GRID1: variants seen among roughly 807,000 people sequenced by gnomAD.
GRID1 encodes the protein glutamate receptor ionotropic, delta-1.
Under a neutral mutation model 98.0 loss-of-function variants are expected in GRID1, and 28 were observed. The observed-to-expected ratio is 0.29, with a 90% confidence interval of 0.21 to 0.39. The LOEUF is 0.39. Ranked by LOEUF, GRID1 falls within the 10% of genes least tolerant of loss-of-function variation. The pLI, the probability that GRID1 is intolerant of heterozygous loss-of-function variation, is 1.00. For synonymous variants in GRID1, 553 were observed against 538.5 expected (o/e 1.03, Z -0.37); for missense variants, 1,111 against 1,340.5 (o/e 0.83, Z 2.67).
chr10:85,975,160 T>C (rs1466837724), intron 4 of GRID1, among the ~76,000 whole-genome samples: 1 of 152,232 alleles, frequency 6.6e-6, no homozygotes, highest in Non-Finnish European at 1.5e-5. Context: ...TGTTAGTCTA[T>C]CCAAACGTTC....
chr10:86,143,783 G>A (rs1845044783), intron 3 of GRID1, among the ~76,000 whole-genome samples: 1 of 152,236 alleles, frequency 6.6e-6, no homozygotes, highest in African/African-American at 2.4e-5. Context: ...GACACTGCAG[G>A]GACAGGGAGG....
chr10:85,804,336 A>G (rs1171321412), intron 8 of GRID1, among the ~76,000 whole-genome samples: 1 of 151,910 alleles, frequency 6.6e-6, no homozygotes, highest in Non-Finnish European at 1.5e-5. Context: ...TAGAAGAACT[A>G]AGAATTCTAA....
At chr10:86,202,931 G>A (rs1845974503) in intron 3 of GRID1, among the ~76,000 whole-genome samples, 1 of 152,184 alleles carries the variant, frequency 6.6e-6, no homozygotes, top group African/African-American at 2.4e-5. Context: ...CATCAACTCT[G>A]ACTGGCTGGG....
Position 85,926,756 on chromosome 10 carries a change from G to A in GRID1, c.727-10517C>T, listed in dbSNP as rs149386956. 2.6e-3 allele frequency among the ~76,000 whole-genome samples: 394 copies of A among 152,280 alleles called. 2 individuals are homozygous for A. The highest frequency in any genetic ancestry group is 9.1e-3 in the African/African-American group (378 of 41,542). On this transcript the variant is annotated intron_variant, in intron 4 of 15. Transcript: ENST00000327946. The stretch of plus-strand genomic sequence containing the variant: ...AGGAGACAGTGTGCAGAAGCCTGGA[G>A]GTGTGAAAGGGCATTCGATTTGTAG...
chr10:86,058,536 A>T (rs951180609), intron 4 of GRID1, among the ~76,000 whole-genome samples: 1 of 152,246 alleles, frequency 6.6e-6, no homozygotes, highest in African/African-American at 2.4e-5. Flanking sequence ...GACACATTGT[A>T]TAGAGACAAT....
At chr10:85,938,057 C>T (rs1841949561) in intron 4 of GRID1, among the ~76,000 whole-genome samples, 1 of 152,154 alleles carries the variant, frequency 6.6e-6, no homozygotes, top group Non-Finnish European at 1.5e-5. Context: ...TTTGACAAGC[C>T]TTTGAGCTTA....
chr10:85,637,158 CATTATA>C (rs1223536289), intron 13 of GRID1, among the ~76,000 whole-genome samples: 1 of 151,964 alleles, frequency 6.6e-6, no homozygotes, highest in Non-Finnish European at 1.5e-5. Context: ...ATTTTTATAG[CATTATA>C]ATTATATAAA....
chr10:86,251,206 G>A (rs952451568), intron 2 of GRID1, among the ~76,000 whole-genome samples: 5 of 124,390 alleles, frequency 4.0e-5, no homozygotes, highest in Non-Finnish European at 8.6e-5. Flanking sequence ...CAATCACTGC[G>A]GAAGGAAGGC....
chr10:86,004,767 T>C (rs1245136037), intron 4 of GRID1, among the ~76,000 whole-genome samples: 1 of 78,934 alleles, frequency 1.3e-5, no homozygotes, highest in East Asian at 3.7e-4. Flanking sequence ...CAGACTTGAT[T>C]CTGTTTCTCT....
chr10:86,224,952 G>T (rs2607822), intron 2 of GRID1, among the ~76,000 whole-genome samples: 5 of 152,064 alleles, frequency 3.3e-5, no homozygotes, highest in African/African-American at 9.7e-5. Context: ...TTGGAATTTA[G>T]GAACCGTGTT....
intron 2 of GRID1, among the ~76,000 whole-genome samples, chr10:86,255,507 C>T (rs1295907479): frequency 6.6e-6 from 1 of 152,224 alleles, no homozygotes; most frequent in East Asian, 1.9e-4. Context: ...GATGCAGTGG[C>T]TGAGCTCCCT....
At chr10:86,020,084 G>A (rs973093037) in intron 4 of GRID1, among the ~76,000 whole-genome samples, 3 of 152,224 alleles carry the variant, frequency 2.0e-5, no homozygotes, top group Non-Finnish European at 4.4e-5. Flanking sequence ...ACACAAACAT[G>A]TCTCAGGTGT....
intron 12 of GRID1, among the ~76,000 whole-genome samples, chr10:85,655,983 C>T (rs1840890593): frequency 6.6e-6 from 1 of 150,856 alleles, no homozygotes; most frequent in South Asian, 2.1e-4. Flanking sequence ...CATCTTCTCT[C>T]TCTCAAAAAA....
intron 4 of GRID1, among the ~76,000 whole-genome samples, chr10:86,044,764 AGAG>A (rs1843398006): frequency 6.6e-6 from 1 of 152,226 alleles, no homozygotes; most frequent in Non-Finnish European, 1.5e-5. Flanking sequence ...TTTCTCTGCT[AGAG>A]GAGAAGCAAT....
chr10:86,356,856 T>C (rs1848539992), intron 2 of GRID1, among the ~76,000 whole-genome samples: 1 of 152,212 alleles, frequency 6.6e-6, no homozygotes, highest in Non-Finnish European at 1.5e-5. Context: ...AGGGATGCTC[T>C]GAGTTGTTAG....
rs1281723603 is a variant in GRID1 at position 85,950,993 on chromosome 10, C to T, written c.727-34754G>A. Among the ~76,000 whole-genome samples, 9 of 151,926 alleles carry T rather than the reference C, an allele frequency of 5.9e-5. No individual in the cohort carries two copies. The East Asian group carries it at 1.8e-3, about 30-fold the overall frequency. On this transcript the variant is annotated intron_variant, in intron 4 of 15. Coordinates refer to ENST00000327946, the MANE Select transcript of GRID1 (RefSeq NM_017551.3). ...GAGTTAGGAGCCTGTCTGGCATCCCCATTCCATTGGGAAATGGCCCCTGCA... is the reference window on the plus strand; with the variant it reads ...GAGTTAGGAGCCTGTCTGGCATCCCTATTCCATTGGGAAATGGCCCCTGCA...
chr10:85,659,191 A>G (rs1283747953), intron 12 of GRID1, among the ~76,000 whole-genome samples: 1 of 152,256 alleles, frequency 6.6e-6, no homozygotes, highest in Non-Finnish European at 1.5e-5. Flanking sequence ...GTGTGCATGC[A>G]TAAATGTGCA....
At chr10:85,796,153 T>C (rs1015804800) in intron 8 of GRID1, among the ~76,000 whole-genome samples, 1 of 151,936 alleles carries the variant, frequency 6.6e-6, no homozygotes, top group African/African-American at 2.4e-5. Context: ...AGAATAAAGA[T>C]CAAAGCTGGA....
rs1311872448 is a variant in GRID1, at chr10:85,941,452, AAAAT to A, written c.727-25217_727-25214del. 9.9e-5 allele frequency among the ~76,000 whole-genome samples: 15 copies of A among 152,256 alleles called. 1 individual carries two copies. The highest frequency in any genetic ancestry group is 5.8e-4 in the East Asian group (3 of 5,202). ...ACATATATGCATAGACAGATGAAAG[AAAAT>A]AAATAAAACTATTAACGATGGTTAT... is the stretch of plus-strand genomic sequence containing the variant. On this transcript the variant is annotated intron_variant, in intron 4 of 15. Transcript: ENST00000327946.
Sources: gnomAD v4.1 joint callset for allele counts (sites outside exome capture counted in the v4.1 genomes callset) on GRCh38, gnomAD v4.1.1 for gene constraint, MANE v1.5 for transcripts, NCBI Gene and HGNC (gene_info 2026-07-23, HGNC 2026-07-21) for gene names.